BMPER: variants seen among roughly 807,000 people sequenced by gnomAD.
BMPER encodes BMP binding endothelial regulator, also known as BMP-binding endothelial regulator protein.
BMPER carries 45 observed loss-of-function variants against 87.3 expected under a neutral mutation model. The ratio of observed to expected loss-of-function variants is 0.52; its 90% CI spans 0.41 to 0.66. The LOEUF (loss-of-function observed/expected upper bound fraction) is 0.66. Among genes scored for constraint, BMPER ranks in the 30% least tolerant of loss-of-function variants. The pLI, the probability that BMPER is intolerant of heterozygous loss-of-function variation, is 0.00. For synonymous variants in BMPER, 326 were observed against 316.2 expected (o/e 1.03, Z -0.33); for missense variants, 784 against 867.5 (o/e 0.90, Z 1.21).
Position 33,961,842 on chromosome 7 carries a change from C to T in BMPER, c.320-4637C>T, listed in dbSNP as rs117044686. Among the ~76,000 whole-genome samples the T allele has an allele frequency of 4.7e-4, 72 of 152,140 alleles. 1 individual carries two copies. In the East Asian group the frequency reaches 0.01, roughly 21 times the overall value. On this transcript the variant is annotated intron_variant, in intron 3 of 14. Transcript: ENST00000649409. ...TTGTGAAGGTAACCCCAGGCAATGA[C>T]ATGGAGTTCTAGGGATGAAGGGAAA...
chr7:34,110,223 T>G (rs772138210), intron 13 of BMPER, among the ~76,000 whole-genome samples: 1 of 152,202 alleles, frequency 6.6e-6, no homozygotes, highest in Non-Finnish European at 1.5e-5. Flanking sequence ...CCTGGCTTTA[T>G]AAGCACAAAG....
chr7:33,977,780 T>A (rs1166201621), intron 6 of BMPER, among the ~76,000 whole-genome samples: 1 of 152,140 alleles, frequency 6.6e-6, no homozygotes, highest in African/African-American at 2.4e-5. Flanking sequence ...ATAATAAAAA[T>A]ATATAAAAAC....
chr7:33,957,948 G>A (rs1785186773), intron 3 of BMPER, among the ~76,000 whole-genome samples: 1 of 152,172 alleles, frequency 6.6e-6, no homozygotes, highest in Non-Finnish European at 1.5e-5. Flanking sequence ...TCATACGTGT[G>A]TTGTAGATAA....
At chr7:33,925,212 C>A (rs1046357077) in intron 2 of BMPER, among the ~76,000 whole-genome samples, 2 of 152,148 alleles carry the variant, frequency 1.3e-5, no homozygotes, top group African/African-American at 4.8e-5. Context: ...TTCATCTTTG[C>A]CATTGGGTTT....
At chr7:33,920,912 T>C (rs997270027) in intron 2 of BMPER, among the ~76,000 whole-genome samples, 4 of 152,208 alleles carry the variant, frequency 2.6e-5, no homozygotes, top group African/African-American at 4.8e-5. Flanking sequence ...AACTTTATAA[T>C]AGGTCAACTA....
At chr7:34,104,245 C>G (rs1327087022) in intron 13 of BMPER, among the ~76,000 whole-genome samples, 1 of 152,188 alleles carries the variant, frequency 6.6e-6, no homozygotes, top group Non-Finnish European at 1.5e-5. Flanking sequence ...GTTTTATGCA[C>G]TAATTCCATT....
intron 14 of BMPER, among the ~76,000 whole-genome samples, chr7:34,147,501 G>A (rs1396198128): frequency 5.3e-5 from 8 of 152,070 alleles, no homozygotes; most frequent in African/African-American, 1.9e-4. Flanking sequence ...ACGGAGTTTT[G>A]CTCTTGTTGC....
intron 6 of BMPER, among the ~76,000 whole-genome samples, chr7:33,999,868 A>G (rs974087071): frequency 3.3e-5 from 5 of 152,136 alleles, no homozygotes; most frequent in Non-Finnish European, 1.5e-5. Flanking sequence ...TCTGTTAAAT[A>G]CCTCTTTGAT....
chr7:34,007,854 T>A (rs1264695190), intron 6 of BMPER, among the ~76,000 whole-genome samples: 1 of 151,970 alleles, frequency 6.6e-6, no homozygotes, highest in Non-Finnish European at 1.5e-5. Flanking sequence ...AGCACATGTA[T>A]GTTAATTGTT....
chr7:34,012,308 T>C (rs1786904573), intron 6 of BMPER, among the ~76,000 whole-genome samples: 1 of 151,380 alleles, frequency 6.6e-6, no homozygotes, highest in Non-Finnish European at 1.5e-5. Flanking sequence ...ACAAAAATAA[T>C]CCCCCCAAAC....
Position 34,055,200 on chromosome 7 carries a change from C to T in BMPER, c.824C>T (p.Pro275Leu). The change falls in exon 9 of 15, where the codon CCT becomes CTT. Residue 275 changes from proline to leucine, a missense_variant. By Grantham distance (98) the Pro-to-Leu change is moderately conservative. Transcript: ENST00000649409. The stretch of plus-strand genomic sequence containing the variant: ...GTTTGCAAGAGGAAGTGCTCCCACC[C>T]TGGTGGCTGTGACCAAGGCCAGGAG... The part of the protein sequence containing the change: ...TVVCKRKCSH[P>L]GGCDQGQEGC... 6.2e-7 allele frequency: 1 copy of T among 1,614,166 alleles called. No individual in the cohort carries two copies. Among genetic ancestry groups the T allele is most frequent in the African/African-American group, 1.3e-5 (1 of 75,050 alleles).
chr7:34,101,478 G>A (rs901654909), intron 13 of BMPER, among the ~76,000 whole-genome samples: 3 of 152,218 alleles, frequency 2.0e-5, no homozygotes, highest in Non-Finnish European at 2.9e-5. Context: ...ACTGGATGAT[G>A]CAGAAATAAG....
chr7:34,137,964 G>A (rs1170026476), intron 13 of BMPER, among the ~76,000 whole-genome samples: 1 of 152,070 alleles, frequency 6.6e-6, no homozygotes, highest in African/African-American at 2.4e-5. Context: ...GGATTCCCTG[G>A]CGCTAATGGA....
chr7:33,984,303 T>C (rs1205606239), intron 6 of BMPER, among the ~76,000 whole-genome samples: 1 of 151,996 alleles, frequency 6.6e-6, no homozygotes, highest in Admixed American at 6.6e-5. Context: ...CTGTCTCTAC[T>C]AAAAATACAA....
chr7:33,940,243 ACATTAGGG>A (rs765576641), intron 3 of BMPER, among the ~76,000 whole-genome samples: 4 of 152,190 alleles, frequency 2.6e-5, no homozygotes, highest in African/African-American at 7.2e-5. Flanking sequence ...TTCCTACTTA[ACATTAGGG>A]CATAACATCT....
At chr7:34,061,936 C>A in intron 10 of BMPER, 66 bp from the exon 11 acceptor site, 1 of 1,299,974 alleles carries the variant, frequency 7.7e-7, no homozygotes, top group South Asian at 1.3e-5. Flanking sequence ...AGATATTTGT[C>A]CTCAGGAGAC....
intron 2 of BMPER, among the ~76,000 whole-genome samples, chr7:33,913,463 G>A (rs1784010125): frequency 1.3e-5 from 2 of 152,072 alleles, no homozygotes; most frequent in Non-Finnish European, 2.9e-5. Context: ...AGAGGCTGAA[G>A]TTTGGACAAC....
At chr7:34,119,530 G>C (rs949745926) in intron 13 of BMPER, among the ~76,000 whole-genome samples, 1 of 152,134 alleles carries the variant, frequency 6.6e-6, no homozygotes, top group Non-Finnish European at 1.5e-5. Flanking sequence ...ATGCTATGTG[G>C]AACATCTTCA....
intron 13 of BMPER, among the ~76,000 whole-genome samples, chr7:34,101,609 G>A (rs1789684248): frequency 6.6e-6 from 1 of 152,212 alleles, no homozygotes; most frequent in South Asian, 2.1e-4. Flanking sequence ...GTGAAAGGCA[G>A]CCCCAGGCAT....
Sources: allele counts gnomAD v4.1 joint callset (sites outside exome capture counted in the v4.1 genomes callset), GRCh38; gene constraint gnomAD v4.1.1; transcripts MANE v1.5; gene names NCBI Gene and HGNC (gene_info 2026-07-23, HGNC 2026-07-21).